The following UBA3 variants were observed in gnomAD, a reference collection of about 807,000 sequenced individuals.
The protein encoded by UBA3 is NEDD8-activating enzyme E1 catalytic subunit.
A neutral mutation model predicts 73.5 loss-of-function variants in UBA3; 26 were observed. The observed-to-expected ratio is 0.35, with a 90% CI of 0.26 to 0.49. The LOEUF is 0.49. UBA3 is among the 20% of genes least tolerant of loss of function. The pLI is 0.98. For synonymous variants in UBA3, 217 were observed against 191.2 expected (o/e 1.13, Z -1.11); for missense variants, 495 against 555.6 (o/e 0.89, Z 1.10).
At chr3:69,072,822 T>A (rs1043869244) in intron 4 of UBA3, among the ~76,000 whole-genome samples, 1 of 152,230 alleles carries the variant, frequency 6.6e-6, no homozygotes, top group African/African-American at 2.4e-5. Context: ...AACTTCCTCA[T>A]TGCAGTAACT....
chr3:69,061,977 G>A (rs373592126), intron 10 of UBA3, 50 bp from the exon 11 acceptor site: 58 of 1,421,988 alleles, frequency 4.1e-5, no homozygotes, highest in East Asian at 2.8e-4. Flanking sequence ...ACAGGAATAC[G>A]TAATCACAAA....
chr3:69,071,291 C>T, intron 5 of UBA3: 1 of 341,984 alleles, frequency 2.9e-6, no homozygotes, highest in Non-Finnish European at 5.3e-6. Flanking sequence ...ATCACATAAA[C>T]CTTTGGAAGG....
intron 11 of UBA3, among the ~76,000 whole-genome samples, chr3:69,060,479 C>T (rs191403351): frequency 6.6e-6 from 1 of 152,300 alleles, no homozygotes; most frequent in East Asian, 1.9e-4. Flanking sequence ...CATCAGTTAT[C>T]AGAAGTCTAT....
Position 69,077,905 on chromosome 3 carries a change from C to T in UBA3, c.76G>A (p.Gly26Ser). The change falls in exon 3 of 18, where the codon GGT becomes AGT. Residue 26 changes from glycine to serine, a missense_variant. Physicochemically the swap from Gly to Ser is moderately conservative, Grantham distance 56 (BLOSUM62 0). Transcript: ENST00000361055. ...CAGTCTCCAGTGTCCCCACACCCAC[C>T]ATCAACAGCCATTCTGCACAGAACA... ...ELLAEKMAVDGGCGDTGDWEG... is the reference protein window; with the variant it reads ...ELLAEKMAVDSGCGDTGDWEG... 1 of 1,613,988 alleles carries T rather than the reference C, an allele frequency of 6.2e-7. No homozygotes were observed. The highest frequency in any genetic ancestry group is 8.5e-7 in the Non-Finnish European group (1 of 1,179,982).
At position 69,060,987 on chromosome 3, in the gene UBA3, C is replaced by T. The variant is rs577383667; in HGVS notation, c.910+827G>A. Among the ~76,000 whole-genome samples the T allele has an allele frequency of 4.6e-5, 7 of 152,346 alleles. No homozygotes were observed. The South Asian group carries it at 1.4e-3, about 32-fold the overall frequency. ...GCAGAACCATGAGCCAAATAAACCT[C>T]TTTCCTGAATAAATTACCCAGTTTC... is the stretch of plus-strand genomic sequence containing the variant. On this transcript the variant is annotated intron_variant, in intron 11 of 17. Transcript: ENST00000361055.
At chr3:69,068,585 T>C (rs1287586973) in intron 5 of UBA3, among the ~76,000 whole-genome samples, 2 of 152,060 alleles carry the variant, frequency 1.3e-5, no homozygotes, top group East Asian at 3.9e-4. Context: ...CGTTTTTTTC[T>C]TTTTTCTTTT....
chr3:69,057,936 T>G (rs1006542226), intron 11 of UBA3, among the ~76,000 whole-genome samples: 1 of 147,108 alleles, frequency 6.8e-6, no homozygotes, highest in Admixed American at 6.8e-5. Flanking sequence ...TTTTTTTTTT[T>G]TTTTTTTGAG....
chr3:69,058,760 G>C (rs2091997948), intron 11 of UBA3, among the ~76,000 whole-genome samples: 1 of 152,188 alleles, frequency 6.6e-6, no homozygotes, highest in African/African-American at 2.4e-5. Context: ...AAAAAAGCTA[G>C]AGTGGGCAGA....
chr3:69,063,965 G>C (rs2092044975), intron 7 of UBA3, 103 bp downstream of exon 7: 1 of 970,404 alleles, frequency 1.0e-6, no homozygotes, highest in Admixed American at 2.5e-5. Context: ...AGAGAGGAAA[G>C]CAAGTGAAGA....
Position 69,055,162 on chromosome 3 carries a change from G to C in UBA3, c.*275C>G, listed in dbSNP as rs949116711. The stretch of plus-strand genomic sequence containing the variant: ...CCATAATAACAAAATTCACACAAAA[G>C]AGGTTGTATGCTTCCTCCTCTAAAA... On this transcript the variant is annotated 3_prime_UTR_variant, in exon 18 of 18. Coordinates refer to ENST00000361055, the MANE Select transcript of UBA3 (RefSeq NM_003968.4). 4.2e-6 allele frequency: 1 copy of C among 236,142 alleles called. No individual in the cohort carries two copies. The highest frequency in any genetic ancestry group is 2.2e-5 in the African/African-American group (1 of 44,452). 14.6% of individuals were successfully genotyped at this position (236,142 alleles called of 1,614,324 possible).
At chr3:69,056,966 A>AC in intron 12 of UBA3, 151 bp from the exon 13 acceptor site, 1 of 873,362 alleles carries the variant, frequency 1.1e-6, no homozygotes, top group East Asian at 2.6e-5. Context: ...AACAAATTTT[A>AC]CATTGTTTTG....
chr3:69,067,723 A>G (rs1001670175), intron 6 of UBA3, among the ~76,000 whole-genome samples: 10 of 152,284 alleles, frequency 6.6e-5, no homozygotes, highest in Admixed American at 6.5e-4. Flanking sequence ...GTTAAAAATC[A>G]GGGCCCAAAA....
chr3:69,080,069 C>CG, intron 2 of UBA3, 43 bp downstream of exon 2: 1 of 1,588,252 alleles, frequency 6.3e-7, no homozygotes, highest in Non-Finnish European at 8.6e-7. Context: ...TGGGGGGAGG[C>CG]GGGGGTCCCC....
At chr3:69,068,271 T>C (rs142164788) in intron 5 of UBA3, among the ~76,000 whole-genome samples, 1 of 152,260 alleles carries the variant, frequency 6.6e-6, no homozygotes, top group African/African-American at 2.4e-5. Flanking sequence ...AACAGTGTTC[T>C]TCCTCCCAGA....
Position 69,056,835 on chromosome 3 carries a change from C to A in UBA3, c.965-20G>T, listed in dbSNP as rs2091978187. On this transcript the variant is annotated intron_variant, in intron 12 of 17. Coordinates refer to ENST00000361055, the MANE Select transcript of UBA3 (RefSeq NM_003968.4). ...ACACAGCTGAAGGGAGGAGAAAATA[C>A]AGGTGCTTTAACTCAATGGAAATTA... The A allele has an allele frequency of 1.2e-6, 2 of 1,609,204 alleles. No individual in the cohort carries two copies. The highest frequency in any genetic ancestry group is 1.7e-6 in the Non-Finnish European group (2 of 1,178,654).
At chr3:69,062,830 G>T in intron 9 of UBA3, 152 bp downstream of exon 9, 2 of 926,642 alleles carry the variant, frequency 2.2e-6, no homozygotes, top group Non-Finnish European at 3.2e-6. Context: ...CTCAAATAGA[G>T]CAGAATTTCA....
In UBA3 at chr3:69,056,823, G is replaced by C. The variant is rs2091978100; in HGVS notation, c.965-8C>G. The C allele has an allele frequency of 1.2e-6, 2 of 1,610,754 alleles. No individual in the cohort carries two copies. Among genetic ancestry groups the C allele is most frequent in the Admixed American group, 1.7e-5 (1 of 59,114 alleles). ...CCTCAGTGGCACACACAGCTGAAGG[G>C]AGGAGAAAATACAGGTGCTTTAACT... On this transcript the variant is annotated splice_region_variant and splice_polypyrimidine_tract_variant and intron_variant, in intron 12 of 17. Transcript: ENST00000361055.
intron 4 of UBA3, 118 bp from the exon 5 acceptor site, chr3:69,071,735 G>T: frequency 1.7e-6 from 1 of 596,788 alleles, no homozygotes; most frequent in Non-Finnish European, 2.8e-6. Flanking sequence ...TGTGTAATTT[G>T]TATTCAATGG....
At chr3:69,065,727 C>T (rs1196832424) in intron 6 of UBA3, among the ~76,000 whole-genome samples, 1 of 152,176 alleles carries the variant, frequency 6.6e-6, no homozygotes, top group Non-Finnish European at 1.5e-5. Context: ...CAGGCCTGAA[C>T]CACCACACCC....
Sources: gnomAD v4.1 joint callset for allele counts (sites outside exome capture counted in the v4.1 genomes callset) on GRCh38, gnomAD v4.1.1 for gene constraint, MANE v1.5 for transcripts, NCBI Gene and HGNC (gene_info 2026-07-23, HGNC 2026-07-21) for gene names.